SLC38A4: variants seen among roughly 807,000 people sequenced by gnomAD.
SLC38A4 encodes solute carrier family 38 member 4.
Under a neutral mutation model 63.1 loss-of-function variants are expected in SLC38A4, and 20 were observed. That is an observed-to-expected ratio of 0.32 (90% CI 0.22 to 0.46). The LOEUF is 0.46. Ranked by LOEUF, SLC38A4 falls within the 20% of genes least tolerant of loss-of-function variation. The pLI, the probability that SLC38A4 is intolerant of heterozygous loss-of-function variation, is 1.00. For missense variants in SLC38A4, 526 were observed against 663.6 expected, an observed-to-expected ratio of 0.79 and a Z score of 2.28; for synonymous variants, 230 against 225.5, an observed-to-expected ratio of 1.02 and a Z score of -0.18.
intron 1 of SLC38A4, among the ~76,000 whole-genome samples, chr12:46,810,164 A>AC (rs1348289607): frequency 1.5e-4 from 23 of 152,174 alleles, no homozygotes; most frequent in Admixed American, 7.9e-4. Flanking sequence ...AGAGAGAGCT[A>AC]CCTTACTTCA....
intron 2 of SLC38A4, among the ~76,000 whole-genome samples, chr12:46,795,102 T>C (rs1456612558): frequency 6.6e-6 from 1 of 152,072 alleles, no homozygotes; most frequent in Non-Finnish European, 1.5e-5. Flanking sequence ...TTTTAGCTTG[T>C]TACTTAAAGT....
chr12:46,815,248 T>G (rs1939415687), intron 1 of SLC38A4, among the ~76,000 whole-genome samples: 1 of 16,524 alleles, frequency 6.1e-5, no homozygotes, highest in African/African-American at 2.3e-4. Context: ...AGGATATATA[T>G]ATATATATAT....
At chr12:46,819,340 C>T (rs1203478923) in intron 1 of SLC38A4, among the ~76,000 whole-genome samples, 1 of 151,364 alleles carries the variant, frequency 6.6e-6, no homozygotes, top group Non-Finnish European at 1.5e-5. Context: ...AATAAATGAA[C>T]ACTGCATGAA....
chr12:46,766,961 C>T (rs1938313931), intron 16 of SLC38A4, among the ~76,000 whole-genome samples, 159 bp from the exon 17 acceptor site: 1 of 151,794 alleles, frequency 6.6e-6, no homozygotes. Context: ...AATTTAGAAT[C>T]CTAGTTGAAG....
chr12:46,823,900 T>C (rs913922387), intron 1 of SLC38A4, among the ~76,000 whole-genome samples: 7 of 152,182 alleles, frequency 4.6e-5, no homozygotes, highest in Non-Finnish European at 2.9e-5. Flanking sequence ...AGCATGCAGA[T>C]AAAGAATAAC....
chr12:46,793,701 A>C (rs756592178), intron 2 of SLC38A4, among the ~76,000 whole-genome samples: 11 of 152,186 alleles, frequency 7.2e-5, no homozygotes, highest in Non-Finnish European at 1.5e-4. Flanking sequence ...ATAGGTGAGG[A>C]TCAAGTTTAG....
chr12:46,771,716 G>T (rs1938420079), intron 14 of SLC38A4, among the ~76,000 whole-genome samples: 1 of 152,076 alleles, frequency 6.6e-6, no homozygotes, highest in African/African-American at 2.4e-5. Context: ...GATCAGGAAG[G>T]AAACTTGCTG....
At chr12:46,793,933 A>G (rs141621441) in intron 2 of SLC38A4, among the ~76,000 whole-genome samples, 13 of 152,302 alleles carry the variant, frequency 8.5e-5, no homozygotes, top group East Asian at 1.9e-4. Flanking sequence ...CCTCAATTGT[A>G]TAGTGAAAAG....
intron 14 of SLC38A4, among the ~76,000 whole-genome samples, chr12:46,772,133 T>TAA (rs372169654): frequency 1.5e-5 from 2 of 131,484 alleles, no homozygotes; most frequent in Non-Finnish European, 1.7e-5. Context: ...TTCTAACTCT[T>TAA]AAAAAAAAAA....
chr12:46,775,448 A>G (rs1479095328), intron 13 of SLC38A4, among the ~76,000 whole-genome samples: 1 of 152,058 alleles, frequency 6.6e-6, no homozygotes, highest in Non-Finnish European at 1.5e-5. Context: ...TCCGCTGTAC[A>G]GAAGCAATTA....
In SLC38A4 at chr12:46,793,187, C is replaced by A; in HGVS notation, c.-112-4G>T. ...TTGATGTTCAGAACACTCTGTTCTG[C>A]AAACAGAACACAACATACATCATTA... On this transcript the variant is annotated splice_region_variant and splice_polypyrimidine_tract_variant and intron_variant, in intron 2 of 16. Transcript: ENST00000266579. 1 of 694,228 alleles carries A rather than the reference C, an allele frequency of 1.4e-6. No homozygotes were observed. The highest frequency in any genetic ancestry group is 1.7e-5 in the South Asian group (1 of 59,494). The allele number at this position is 694,228 out of a possible 1,614,324, so 43.0% of individuals were successfully genotyped here.
upstream of SLC38A4, among the ~76,000 whole-genome samples, chr12:46,830,650 C>T (rs1011579105): frequency 6.6e-6 from 1 of 152,192 alleles, no homozygotes; most frequent in Non-Finnish European, 1.5e-5. Flanking sequence ...CACCCGCCCC[C>T]GTCCGCACAA....
chr12:46,805,690 G>C (rs908525200), intron 1 of SLC38A4, among the ~76,000 whole-genome samples: 2 of 152,062 alleles, frequency 1.3e-5, no homozygotes, highest in Non-Finnish European at 2.9e-5. Context: ...GCTCATGCTT[G>C]TTTCATGTAC....
chr12:46,813,709 A>C (rs1939382732), intron 1 of SLC38A4, among the ~76,000 whole-genome samples: 2 of 152,018 alleles, frequency 1.3e-5, no homozygotes, highest in Admixed American at 1.3e-4. Flanking sequence ...TCCACTGCCT[A>C]GACTTAAATC....
Position 46,792,486 on chromosome 12 carries a change from T to C in SLC38A4, c.119+467A>G, listed in dbSNP as rs188647158. On this transcript the variant is annotated intron_variant, in intron 3 of 16. Transcript: ENST00000266579. Reference sequence around the variant, plus strand: ...CAATTTAGACACAGTAATGGTCCAGTAGAGACGTGCAGTAGACATTCAGAT... The same window carrying C: ...CAATTTAGACACAGTAATGGTCCAGCAGAGACGTGCAGTAGACATTCAGAT... Among the ~76,000 whole-genome samples the C allele has an allele frequency of 2.1e-3, 321 of 152,204 alleles. 1 individual carries two copies. The highest frequency in any genetic ancestry group is 7.4e-3 in the African/African-American group (307 of 41,524).
intron 9 of SLC38A4, 45 bp from the exon 10 acceptor site, chr12:46,779,714 C>T (rs761285194): frequency 8.8e-6 from 14 of 1,587,506 alleles, no homozygotes; most frequent in South Asian, 1.1e-5. Flanking sequence ...ATGGCATCTA[C>T]AATTAGCTAA....
chr12:46,779,045 T>G (rs951704409), intron 10 of SLC38A4, among the ~76,000 whole-genome samples: 13 of 152,012 alleles, frequency 8.6e-5, no homozygotes, highest in Non-Finnish European at 8.8e-5. Context: ...ATGAGAAAGA[T>G]GATCATTTCC....
At chr12:46,781,981 T>TG (rs1275883907) in intron 7 of SLC38A4, among the ~76,000 whole-genome samples, 1 of 152,026 alleles carries the variant, frequency 6.6e-6, no homozygotes, top group Non-Finnish European at 1.5e-5. Context: ...TGTTGGGATT[T>TG]GGGGGGCTAA....
chr12:46,784,368 T>G (rs1938714271), intron 7 of SLC38A4, among the ~76,000 whole-genome samples, 174 bp downstream of exon 7: 2 of 152,140 alleles, frequency 1.3e-5, no homozygotes, highest in South Asian at 4.1e-4. Context: ...GATATTGCTG[T>G]TTTTAATTAA....
Sources: gnomAD v4.1 joint callset for allele counts (sites outside exome capture counted in the v4.1 genomes callset) on GRCh38, gnomAD v4.1.1 for gene constraint, MANE v1.5 for transcripts, NCBI Gene and HGNC (gene_info 2026-07-23, HGNC 2026-07-21) for gene names.